The following TBX2 variants were observed in gnomAD, a reference collection of about 807,000 sequenced individuals.
The protein encoded by TBX2 is T-box transcription factor TBX2.
A neutral mutation model predicts 48.4 loss-of-function variants in TBX2; 19 were observed. The ratio of observed to expected loss-of-function variants is 0.39; its 90% CI spans 0.27 to 0.58. TBX2 has a LOEUF of 0.58. TBX2 is among the 20% of genes least tolerant of loss of function. TBX2 has a pLI of 0.54. For synonymous variants in TBX2, 522 were observed against 459.7 expected, an observed-to-expected ratio of 1.14 and a Z score of -1.73; for missense variants, 994 against 1,006.5, an observed-to-expected ratio of 0.99 and a Z score of 0.17.
rs901242277 is a variant in TBX2 at position 61,400,363 on chromosome 17, G to A, written c.187G>A (p.Ala63Thr). The change falls in exon 1 of 7, where the codon GCG (alanine) becomes ACG (threonine). Residue 63 changes from alanine (A) to threonine (T), a missense_variant. By Grantham distance (58) the Ala-to-Thr change is moderately conservative. This residue lies in a region of TBX2 where 165 missense variants were observed against 136.8 expected (regional missense o/e 1.21). Transcript: ENST00000240328. This position sits in a 1 kb window ranked among gnomAD's most constrained non-coding sequence, Gnocchi z 9.2. ...PDPGLAGAAA[A>T]AAAAAAAAEA... The stretch of plus-strand genomic sequence containing the variant: ...CCCGGGCCTGGCGGGGGCGGCGGCC[G>A]CGGCGGCGGCGGCGGCAGCAGCGGC... 2.2e-5 allele frequency: 22 copies of A among 1,021,490 alleles called. No homozygotes were observed. Among genetic ancestry groups the A allele is most frequent in the South Asian group, 8.9e-5 (2 of 22,494 alleles). 63.3% of individuals were successfully genotyped at this position (1,021,490 alleles called of 1,614,324 possible). A position where few individuals can be genotyped will look rare whatever the true frequency, so the allele number is the denominator to read the frequency against.
At position 61,409,345 on chromosome 17, in the gene TBX2, G is replaced by GC. The variant is rs1255899322; in HGVS notation, c.*843dup. ...GGCCCCTCGACCCCTCGGCCCCTCG[G>GC]CCCCTCCGCCCGGGTTTGGCTCGCC... On this transcript the variant is annotated 3_prime_UTR_variant, in exon 7 of 7. Coordinates refer to ENST00000240328, the MANE Select transcript of TBX2 (RefSeq NM_005994.4). 9 of 152,326 alleles carry GC rather than the reference G, an allele frequency of 5.9e-5. No individual in the cohort carries two copies. The East Asian group carries it at 1.7e-3, about 29-fold the overall frequency. The allele number at this position is 152,326 out of a possible 1,614,324, so 9.4% of individuals were successfully genotyped here. A position where few individuals can be genotyped will look rare whatever the true frequency, so the allele number is the denominator to read the frequency against.
rs751904464 is a variant in TBX2 at position 61,408,274 on chromosome 17, T to G, written c.1907T>G (p.Leu636Arg). 2 of 1,612,662 alleles carry G rather than the reference T, an allele frequency of 1.2e-6. No individual in the cohort carries two copies. Among genetic ancestry groups the G allele is most frequent in the Non-Finnish European group, 8.5e-7 (1 of 1,179,898 alleles). The stretch of plus-strand genomic sequence containing the variant: ...GTCACCATCCCGCCTAGCACTAGCC[T>G]CCTCACCACCGGGCTGGCCTCTGAG... ...IPVTIPPSTS[L>R]LTTGLASEGS... Residue 636 changes from leucine (L) to arginine (R), a missense_variant, in exon 7 of 7, where the codon CTC (leucine) becomes CGC (arginine). Around this residue, in one of 5 missense-constraint regions of TBX2, gnomAD observed 639 missense variants for 613.2 expected, o/e 1.04. Coordinates refer to ENST00000240328, the MANE Select transcript of TBX2 (RefSeq NM_005994.4).
At position 61,408,199 on chromosome 17, in the gene TBX2, T is replaced by C. The variant is rs755482630; in HGVS notation, c.1832T>C (p.Phe611Ser). 4 of 1,612,728 alleles carry C rather than the reference T, an allele frequency of 2.5e-6. No individual in the cohort carries two copies. The highest frequency in any genetic ancestry group is 3.4e-6 in the Non-Finnish European group (4 of 1,179,872). The change falls in exon 7 of 7, where the codon TTC becomes TCC. Residue 611 changes from phenylalanine to serine, a missense_variant. This residue lies in a region of TBX2 where 639 missense variants were observed against 613.2 expected (regional missense o/e 1.04). Coordinates refer to ENST00000240328, the MANE Select transcript of TBX2 (RefSeq NM_005994.4). ...AAAGSLSRSPFLGSARPRLRF... is the reference protein window; with the variant it reads ...AAAGSLSRSPSLGSARPRLRF... ...GCCGGCTCCCTCTCCCGGAGCCCCT[T>C]CCTGGGCAGTGCCCGGCCCCGACTG...
Position 61,400,445 on chromosome 17 carries a change from G to T in TBX2, c.269G>T (p.Arg90Leu). 1 of 1,588,280 alleles carries T rather than the reference G, an allele frequency of 6.3e-7. No homozygotes were observed. Among genetic ancestry groups the T allele is most frequent in the Non-Finnish European group, 8.6e-7 (1 of 1,169,062 alleles). ...LGPHPPAAHL[R>L]SLKSLEPEDE... ...CCGCACCCGCCCGCCGCGCATCTGC[G>T]CTCCCTCAAGAGCCTGGAGCCCGAG... The change falls in exon 1 of 7, where the codon CGC becomes CTC. Residue 90 changes from arginine (R) to leucine (L), a missense_variant. Arg to Leu is a moderately radical substitution (Grantham distance 102, BLOSUM62 -2). This residue lies in a region of TBX2 where 165 missense variants were observed against 136.8 expected (regional missense o/e 1.21). Transcript: ENST00000240328. The surrounding 1 kb of genome is among the most constrained non-coding windows in gnomAD (Gnocchi z 9.2).
rs539663160 is a variant in TBX2, at chr17:61,400,362, CGCGGCGGCGGCG to C, written c.192_203del (p.Ala68_Ala71del). On this transcript the variant is annotated inframe_deletion, in exon 1 of 7. Transcript: ENST00000240328. The surrounding 1 kb of genome is among the most constrained non-coding windows in gnomAD (Gnocchi z 9.2). Reference sequence around the variant, plus strand: ...ACCCGGGCCTGGCGGGGGCGGCGGCCGCGGCGGCGGCGGCGGCAGCAGCGGCCGAGGCGGGGC... The same window carrying C: ...ACCCGGGCCTGGCGGGGGCGGCGGCCGCGGCAGCAGCGGCCGAGGCGGGGC... The C allele has an allele frequency of 1.9e-6, 2 of 1,033,728 alleles. No individual in the cohort carries two copies. The highest frequency in any genetic ancestry group is 1.6e-4 in the East Asian group (2 of 12,214). The allele number at this position is 1,033,728 out of a possible 1,614,324, so 64.0% of individuals were successfully genotyped here. A position where few individuals can be genotyped will look rare whatever the true frequency, so the allele number is the denominator to read the frequency against.
chr17:61,400,647 G>T lies in TBX2; in HGVS notation c.395+76G>T. 7.0e-7 allele frequency: 1 copy of T among 1,421,944 alleles called. No individual in the cohort carries two copies. The highest frequency in any genetic ancestry group is 1.3e-5 in the South Asian group (1 of 76,802). 88.1% of individuals were successfully genotyped at this position (1,421,944 alleles called of 1,614,324 possible). A position where few individuals can be genotyped will look rare whatever the true frequency, so the allele number is the denominator to read the frequency against. On this transcript the variant is annotated intron_variant, in intron 1 of 6. Coordinates refer to ENST00000240328, the MANE Select transcript of TBX2 (RefSeq NM_005994.4). This position sits in a 1 kb window ranked among gnomAD's most constrained non-coding sequence, Gnocchi z 9.2. Reference sequence around the variant, plus strand: ...GCACGGGACTGCACGGATCAGAGCAGAGCTGGGGACTCCCGGCTCCCGGCT... The same window carrying T: ...GCACGGGACTGCACGGATCAGAGCATAGCTGGGGACTCCCGGCTCCCGGCT...
At position 61,408,144 on chromosome 17, in the gene TBX2, A is replaced by G; in HGVS notation, c.1777A>G (p.Thr593Ala). Reference sequence around the variant, plus strand: ...CGCAGCCGCCTCGGCTTTGCCCGCCACTAGTGCTGCAGCTGCCGCCGCCGC... The same window carrying G: ...CGCAGCCGCCTCGGCTTTGCCCGCCGCTAGTGCTGCAGCTGCCGCCGCCGC... ...AAAAASALPA[T>A]SAAAAAAAAA... The change falls in exon 7 of 7, where the codon ACT becomes GCT. Residue 593 changes from threonine to alanine, a missense_variant. Coordinates refer to ENST00000240328, the MANE Select transcript of TBX2 (RefSeq NM_005994.4). 1.9e-6 allele frequency: 3 copies of G among 1,611,680 alleles called. No individual in the cohort carries two copies. The highest frequency in any genetic ancestry group is 2.5e-6 in the Non-Finnish European group (3 of 1,179,512).
intron 6 of TBX2, chr17:61,407,165 C>T (rs1326952539): frequency 1.3e-5 from 2 of 152,268 alleles, no homozygotes; most frequent in Non-Finnish European, 2.9e-5. Context: ...TTCCTCCCAA[C>T]CTGGGATGCC....
At position 61,405,253 on chromosome 17, in the gene TBX2, G is replaced by C; in HGVS notation, c.1103G>C (p.Ser368Thr). The change falls in exon 6 of 7, where the codon AGC becomes ACC. Residue 368 changes from serine (S) to threonine (T), a missense_variant. Around this residue, in one of 5 missense-constraint regions of TBX2, gnomAD observed 639 missense variants for 613.2 expected, o/e 1.04. Transcript: ENST00000240328. ...AGCGACCCGGAGCCTGAGCGGTTGA[G>C]CGAGGAGCGTGCGGGGGCGCCGCTA... ...ADSDPEPERL[S>T]EERAGAPLGR... 1 of 1,573,876 alleles carries C rather than the reference G, an allele frequency of 6.4e-7. No homozygotes were observed. Among genetic ancestry groups the C allele is most frequent in the Non-Finnish European group, 8.6e-7 (1 of 1,167,900 alleles).
At position 61,403,603 on chromosome 17, in the gene TBX2, A is replaced by C. The variant is rs868413796; in HGVS notation, c.810+396A>C. On this transcript the variant is annotated intron_variant, in intron 3 of 6. Coordinates refer to ENST00000240328, the MANE Select transcript of TBX2 (RefSeq NM_005994.4). The surrounding 1 kb of genome is among the most constrained non-coding windows in gnomAD (Gnocchi z 5.8). Reference sequence around the variant, plus strand: ...CTGCCCAGGCTCTACCGATGCTCAGAACCCGGGGCCCAGTTTTCACTCTCT... The same window carrying C: ...CTGCCCAGGCTCTACCGATGCTCAGCACCCGGGGCCCAGTTTTCACTCTCT... Among the ~76,000 whole-genome samples the C allele has an allele frequency of 4.6e-5, 7 of 151,308 alleles. No homozygotes were observed. The South Asian group carries it at 1.0e-3, about 22-fold the overall frequency.
Position 61,404,489 on chromosome 17 carries a change from G to C in TBX2, c.879G>C (p.Arg293=), listed in dbSNP as rs143146008. ...TCCGGGACACCGGGAACGGCCGGCG[G>C]GAGAAAAGGTGAGAGGCCGAGGACA... ...KGFRDTGNGR[R]EKRKQLTLPS... is the part of the protein sequence containing the mutation. Residue 293 remains arginine (R), a synonymous_variant, in exon 4 of 7, where the codon CGG becomes CGC. Coordinates refer to ENST00000240328, the MANE Select transcript of TBX2 (RefSeq NM_005994.4). 1 of 1,611,446 alleles carries C rather than the reference G, an allele frequency of 6.2e-7. No homozygotes were observed. Among genetic ancestry groups the C allele is most frequent in the African/African-American group, 1.3e-5 (1 of 74,908 alleles).
At position 61,408,050 on chromosome 17, in the gene TBX2, C is replaced by T; in HGVS notation, c.1687-4C>T. ...TAACCCTCGTCTTGTTCTGTTTCTT[C>T]CAGGGAATTCCAATGCCCACTTTCG... On this transcript the variant is annotated splice_polypyrimidine_tract_variant and splice_region_variant and intron_variant, in intron 6 of 6. Coordinates refer to ENST00000240328, the MANE Select transcript of TBX2 (RefSeq NM_005994.4). The T allele has an allele frequency of 6.4e-7, 1 of 1,569,442 alleles. No homozygotes were observed. Among genetic ancestry groups the T allele is most frequent in the Non-Finnish European group, 8.6e-7 (1 of 1,160,802 alleles).
intron 1 of TBX2, 68 bp from the exon 2 acceptor site, chr17:61,401,616 G>T: frequency 9.7e-6 from 15 of 1,539,302 alleles, no homozygotes; most frequent in Non-Finnish European, 1.3e-5. Flanking sequence ...ATAAATAAAG[G>T]AGGAGTGGGG....
chr17:61,408,101 C>T lies in TBX2; in HGVS notation c.1734C>T (p.Thr578=), dbSNP rs577687827. Residue 578 remains threonine (T), a synonymous_variant, in exon 7 of 7, where the codon ACC becomes ACT. Transcript: ENST00000240328. The part of the protein sequence containing the change: ...TFGGLFPYPY[T]YMAAAAAAAS... The stretch of plus-strand genomic sequence containing the variant: ...GAGGCCTCTTCCCCTACCCCTACAC[C>T]TACATGGCAGCAGCAGCCGCAGCCG... 1.4e-5 allele frequency: 22 copies of T among 1,610,512 alleles called. No homozygotes were observed. Among genetic ancestry groups the T allele is most frequent in the East Asian group, 1.1e-4 (5 of 44,820 alleles).
rs139006612 is a variant in TBX2, at chr17:61,408,188, C to G, written c.1821C>G (p.Ser607=). 1 of 1,612,746 alleles carries G rather than the reference C, an allele frequency of 6.2e-7. No individual in the cohort carries two copies. Among genetic ancestry groups the G allele is most frequent in the African/African-American group, 1.3e-5 (1 of 74,924 alleles). ...AAAAAAAGSL[S]RSPFLGSARP... ...CCGCCGCAGCCGCCGGCTCCCTCTC[C>G]CGGAGCCCCTTCCTGGGCAGTGCCC... The change falls in exon 7 of 7, where the codon TCC becomes TCG. Residue 607 remains serine (S), a synonymous_variant. Transcript: ENST00000240328.
chr17:61,404,392 A>G (rs928506047), intron 3 of TBX2, 29 bp from the exon 4 acceptor site: 12 of 1,582,920 alleles, frequency 7.6e-6, no homozygotes, highest in Non-Finnish European at 1.0e-5. Context: ...CCACGGCCTG[A>G]CTTAGCGCCG....
At position 61,408,093 on chromosome 17, in the gene TBX2, C is replaced by A. The variant is rs372888108; in HGVS notation, c.1726C>A (p.Pro576Thr). 1.2e-6 allele frequency: 2 copies of A among 1,609,286 alleles called. No individual in the cohort carries two copies. The highest frequency in any genetic ancestry group is 1.3e-5 in the African/African-American group (1 of 74,830). ...CACTTTCGGAGGCCTCTTCCCCTAC[C>A]CCTACACCTACATGGCAGCAGCAGC... Reference protein sequence around the residue: ...MPTFGGLFPYPYTYMAAAAAA... With the variant: ...MPTFGGLFPYTYTYMAAAAAA... Residue 576 changes from proline to threonine, a missense_variant, in exon 7 of 7, where the codon CCC (proline) becomes ACC (threonine). Physicochemically the swap from Pro to Thr is conservative, Grantham distance 38. Coordinates refer to ENST00000240328, the MANE Select transcript of TBX2 (RefSeq NM_005994.4).
chr17:61,408,185 C>T lies in TBX2; in HGVS notation c.1818C>T (p.Leu606=). 1 of 1,612,826 alleles carries T rather than the reference C, an allele frequency of 6.2e-7. No homozygotes were observed. The highest frequency in any genetic ancestry group is 8.5e-7 in the Non-Finnish European group (1 of 1,179,842). ...AAAAAAAAGS[L]SRSPFLGSAR... is the part of the protein sequence containing the mutation. ...CCGCCGCCGCAGCCGCCGGCTCCCT[C>T]TCCCGGAGCCCCTTCCTGGGCAGTG... Residue 606 remains leucine (L), a synonymous_variant, in exon 7 of 7, where the codon CTC becomes CTT. Transcript: ENST00000240328.
At position 61,404,639 on chromosome 17, in the gene TBX2, C is replaced by T. The variant is rs763267970; in HGVS notation, c.921C>T (p.Tyr307=). ...KQLTLPSLRL[Y]EEHCKPERDG... is the part of the protein sequence containing the mutation. ...TGACGCTGCCGTCTCTACGCTTGTA[C>T]GAGGAGCACTGCAAACCCGAGCGCG... The change falls in exon 5 of 7, where the codon TAC becomes TAT. Residue 307 remains tyrosine (Y), a synonymous_variant. Transcript: ENST00000240328. 1.3e-6 allele frequency: 2 copies of T among 1,581,336 alleles called. No individual in the cohort carries two copies. The highest frequency in any genetic ancestry group is 1.7e-6 in the Non-Finnish European group (2 of 1,162,996).
Sources: allele counts gnomAD v4.1 joint callset (sites outside exome capture counted in the v4.1 genomes callset), GRCh38; gene constraint gnomAD v4.1.1; regional missense constraint gnomAD v4.1.1; non-coding constraint Gnocchi (gnomAD v3.1); transcripts MANE v1.5; gene names NCBI Gene and HGNC (gene_info 2026-07-23, HGNC 2026-07-21).